Variants in OPCML observed in about 807,000 individuals in gnomAD.
The protein encoded by OPCML is opioid-binding protein/cell adhesion molecule.
In OPCML, 13 loss-of-function variants were observed where a neutral mutation model predicts 37.8. The observed-to-expected ratio is 0.34, with a 90% CI of 0.22 to 0.55. The LOEUF is 0.55. Among genes scored for constraint, OPCML ranks in the 20% least tolerant of loss-of-function variants. The probability of loss-of-function intolerance (pLI) is 0.91; values close to 1 mark genes in which losing one functional copy is unlikely to be tolerated. For synonymous variants in OPCML, 176 were observed against 168.8 expected (o/e 1.04, Z -0.33); for missense variants, 341 against 435.6 (o/e 0.78, Z 1.93).
intron 2 of OPCML, among the ~76,000 whole-genome samples, chr11:132,743,710 C>T (rs970288235): frequency 3.9e-5 from 6 of 152,204 alleles, no homozygotes; most frequent in African/African-American, 1.4e-4. Context: ...TTTTACACCA[C>T]ATTCCTCAGA....
chr11:132,650,324 A>C (rs1941365125), intron 3 of OPCML, among the ~76,000 whole-genome samples: 2 of 152,290 alleles, frequency 1.3e-5, no homozygotes, highest in East Asian at 3.9e-4. Flanking sequence ...CGGCGGGTGA[A>C]AGTAGGAGAG....
chr11:133,004,566 T>C (rs1947070772), intron 1 of OPCML: 4 of 985,462 alleles, frequency 4.1e-6, no homozygotes, highest in Non-Finnish European at 3.6e-6. Context: ...TGCCTGCCAA[T>C]GCCCATGCAG....
At chr11:133,498,812 C>A (rs1947842991) in intron 1 of OPCML, among the ~76,000 whole-genome samples, 1 of 152,142 alleles carries the variant, frequency 6.6e-6, no homozygotes, top group Non-Finnish European at 1.5e-5. Context: ...CAAGGCAGGC[C>A]AGAGGAGTGA....
intron 1 of OPCML, among the ~76,000 whole-genome samples, chr11:133,050,056 G>A (rs1236542157): frequency 2.6e-5 from 4 of 152,216 alleles, no homozygotes; most frequent in Non-Finnish European, 4.4e-5. Context: ...CAAGTTGAGA[G>A]TCTGTAAATG....
intron 3 of OPCML, among the ~76,000 whole-genome samples, chr11:132,537,677 A>G (rs1349014381): frequency 6.6e-6 from 1 of 152,228 alleles, no homozygotes; most frequent in African/African-American, 2.4e-5. Context: ...TGAAAATCAT[A>G]TATCTAATAA....
chr11:132,876,181 T>C (rs1943002405), intron 2 of OPCML, among the ~76,000 whole-genome samples: 1 of 152,182 alleles, frequency 6.6e-6, no homozygotes, highest in African/African-American at 2.4e-5. Flanking sequence ...TTCATAGAAG[T>C]CGGGAATCGA....
At chr11:133,047,064 G>A (rs1377783054) in intron 1 of OPCML, among the ~76,000 whole-genome samples, 5 of 152,148 alleles carry the variant, frequency 3.3e-5, no homozygotes, top group African/African-American at 7.2e-5. Context: ...GACCTGAAAC[G>A]GTGATTGAGA....
At chr11:133,058,478 C>T (rs1591960544) in intron 1 of OPCML, among the ~76,000 whole-genome samples, 1 of 152,166 alleles carries the variant, frequency 6.6e-6, no homozygotes, top group East Asian at 1.9e-4. Context: ...ATGGGGCGGG[C>T]AGGTGTCACA....
intron 3 of OPCML, among the ~76,000 whole-genome samples, chr11:132,651,733 C>T (rs527482138): frequency 6.9e-4 from 105 of 152,278 alleles, no homozygotes; most frequent in African/African-American, 2.4e-3. Context: ...CAGATACCAA[C>T]CAATTTCACC....
At chr11:132,423,854 G>T (rs1346124747) in intron 7 of OPCML, among the ~76,000 whole-genome samples, 2 of 152,152 alleles carry the variant, frequency 1.3e-5, no homozygotes, top group East Asian at 3.9e-4. Flanking sequence ...GGAGGACATG[G>T]TTTTGAAGGA....
At position 133,033,740 on chromosome 11, in the gene OPCML, G is replaced by T. The variant is rs544469750; in HGVS notation, c.62-90730C>A. On this transcript the variant is annotated intron_variant, in intron 1 of 7. Transcript: ENST00000524381. ...TATAAATGGGAACACTGAGGCTAAA[G>T]TTTAAAAATATGCAGCTAGTGGTTA... Among the ~76,000 whole-genome samples, 227 of 152,300 alleles carry T rather than the reference G, an allele frequency of 1.5e-3. No homozygotes were observed. In the South Asian group the frequency reaches 0.016, roughly 11 times the overall value.
At chr11:133,468,500 A>G (rs1947026441) in intron 1 of OPCML, among the ~76,000 whole-genome samples, 1 of 152,220 alleles carries the variant, frequency 6.6e-6, no homozygotes, top group South Asian at 2.1e-4. Context: ...GGATTTAGCC[A>G]AGGGTAGCAT....
intron 1 of OPCML, among the ~76,000 whole-genome samples, chr11:133,517,488 G>A (rs1948304630): frequency 6.6e-6 from 1 of 152,210 alleles, no homozygotes; most frequent in African/African-American, 2.4e-5. Context: ...TCCTCTGGTT[G>A]ATAAAGGGCA....
intron 1 of OPCML, among the ~76,000 whole-genome samples, chr11:133,322,313 CAT>C (rs1943350304): frequency 6.6e-6 from 1 of 152,232 alleles, no homozygotes; most frequent in Non-Finnish European, 1.5e-5. Flanking sequence ...AGATTAAAAA[CAT>C]ATCATGGTTG....
intron 1 of OPCML, among the ~76,000 whole-genome samples, chr11:133,377,010 C>T (rs1026065534): frequency 1.3e-5 from 2 of 152,000 alleles, no homozygotes; most frequent in African/African-American, 2.4e-5. Context: ...AAGAGATGAA[C>T]GGCGACAAGC....
intron 1 of OPCML, among the ~76,000 whole-genome samples, chr11:133,060,588 T>C (rs1341152222): frequency 3.9e-5 from 6 of 152,300 alleles, no homozygotes; most frequent in African/African-American, 1.4e-4. Flanking sequence ...CCACCAGGCC[T>C]TGGCTCCCCA....
intron 1 of OPCML, among the ~76,000 whole-genome samples, chr11:133,038,879 G>A (rs548522193): frequency 6.7e-5 from 10 of 150,312 alleles, no homozygotes; most frequent in East Asian, 5.9e-4. Flanking sequence ...CCTCCCCCAA[G>A]TCTCTGTGAT....
intron 2 of OPCML, among the ~76,000 whole-genome samples, chr11:132,871,197 A>T (rs1032780798): frequency 1.4e-4 from 21 of 149,846 alleles, no homozygotes; most frequent in Non-Finnish European, 2.4e-4. Context: ...GTTAATTAAA[A>T]TTTTTTAACT....
At chr11:133,487,740 T>C (rs1947559196) in intron 1 of OPCML, among the ~76,000 whole-genome samples, 1 of 151,808 alleles carries the variant, frequency 6.6e-6, no homozygotes, top group Admixed American at 6.6e-5. Flanking sequence ...TGTGATCTGA[T>C]TGGGAAATCT....
Sources: allele counts gnomAD v4.1 joint callset (sites outside exome capture counted in the v4.1 genomes callset), GRCh38; gene constraint gnomAD v4.1.1; transcripts MANE v1.5; gene names NCBI Gene and HGNC (gene_info 2026-07-23, HGNC 2026-07-21).